BRCA1: variants seen among roughly 807,000 people sequenced by gnomAD.
BRCA1 encodes BRCA1 DNA repair associated.
BRCA1 carries 140 observed loss-of-function variants against 173.7 expected under a neutral mutation model. The observed-to-expected ratio is 0.81, with a 90% CI of 0.70 to 0.93. The LOEUF (loss-of-function observed/expected upper bound fraction) is 0.93. Among genes scored for constraint, BRCA1 ranks in the 40% least tolerant of loss-of-function variants. BRCA1 has a pLI of 0.00. For synonymous variants in BRCA1, 662 were observed against 756.0 expected (o/e 0.88, Z 2.04); for missense variants, 1,983 against 2,172.5 (o/e 0.91, Z 1.73).
chr17:43,091,069 A>C, intron 10 of BRCA1, 37 bp from the exon 11 acceptor site: 1 of 1,574,978 alleles, frequency 6.3e-7, no homozygotes, highest in Non-Finnish European at 8.7e-7. Flanking sequence ...ATGTAAAAGC[A>C]GACTATAAAC....
intron 11 of BRCA1, 106 bp from the exon 12 acceptor site, chr17:43,082,681 C>T: frequency 8.0e-7 from 1 of 1,251,528 alleles, no homozygotes; most frequent in South Asian, 1.3e-5. Context: ...ATTGAAATCA[C>T]CTAGTATGGA....
chr17:43,118,619 TAG>T (rs991270376), intron 2 of BRCA1, among the ~76,000 whole-genome samples: 3 of 152,134 alleles, frequency 2.0e-5, no homozygotes, highest in Non-Finnish European at 4.4e-5. Context: ...TTAATTTTTG[TAG>T]AGACAGGATC....
chr17:43,050,454 A>T (rs1387199625), intron 20 of BRCA1, among the ~76,000 whole-genome samples: 2 of 151,834 alleles, frequency 1.3e-5, no homozygotes, highest in African/African-American at 4.8e-5. Context: ...TAAAAAAAAA[A>T]TACAAAAAAT....
intron 14 of BRCA1, among the ~76,000 whole-genome samples, chr17:43,072,935 T>G (rs1287326786): frequency 6.6e-6 from 1 of 151,722 alleles, no homozygotes; most frequent in Non-Finnish European, 1.5e-5. Flanking sequence ...CAGGCTGGTC[T>G]TGAACTCTTG....
intron 2 of BRCA1, among the ~76,000 whole-genome samples, chr17:43,116,731 C>T (rs1362448220): frequency 2.0e-5 from 3 of 152,192 alleles, no homozygotes; most frequent in Admixed American, 6.5e-5. Context: ...TGTTGGCCGG[C>T]TGGTCTTGAA....
rs80357219 is a variant in BRCA1, at chr17:43,049,182, C to T, written c.5345G>A (p.Trp1782Ter). Residue 1782 changes from tryptophan (W) to a stop codon, truncating the protein, a stop_gained, in exon 21 of 23, where the codon TGG (tryptophan) becomes TAG (stop). Transcript: ENST00000357654. LOFTEE classifies it high-confidence loss of function. ...FTNMPTDQLE[W>*]MVQLCGASVV... ...AGAAGCACCACACAGCTGTACCATCCATTCCAGTTGATCTAAAATGGACAT... is the reference window on the plus strand; with the variant it reads ...AGAAGCACCACACAGCTGTACCATCTATTCCAGTTGATCTAAAATGGACAT... 1.2e-6 allele frequency: 2 copies of T among 1,614,116 alleles called. No homozygotes were observed. Among genetic ancestry groups the T allele is most frequent in the Non-Finnish European group, 1.7e-6 (2 of 1,179,974 alleles).
At position 43,082,634 on chromosome 17, in the gene BRCA1, AT is replaced by A. The variant is rs1299697640; in HGVS notation, c.4186-60del. 6.4e-6 allele frequency: 10 copies of A among 1,553,090 alleles called. No individual in the cohort carries two copies. In the Admixed American group the frequency reaches 1.5e-4, roughly 23 times the overall value. ...AATACTTTGAGAAGCTTTCCATTAAATGAAAATATATCATACAAATTAATTT... is the reference window on the plus strand; with the variant it reads ...AATACTTTGAGAAGCTTTCCATTAAAGAAAATATATCATACAAATTAATTT... On this transcript the variant is annotated intron_variant, in intron 11 of 22. Coordinates refer to ENST00000357654, the MANE Select transcript of BRCA1 (RefSeq NM_007294.4).
upstream of BRCA1, chr17:43,125,896 C>T (rs1189797328): frequency 2.0e-5 from 3 of 153,086 alleles, no homozygotes; most frequent in Non-Finnish European, 4.4e-5. Flanking sequence ...AGAGGAACAT[C>T]CAATACCAGA....
intron 1 of BRCA1, 102 bp downstream of exon 1, chr17:43,125,169 C>A (rs1036527805): frequency 2.0e-5 from 9 of 455,412 alleles, no homozygotes; most frequent in East Asian, 7.0e-5. Context: ...CCCTACCCCC[C>A]GTCAAAGAAT....
At chr17:43,057,212 A>G in intron 18 of BRCA1, 77 bp from the exon 19 acceptor site, 1 of 1,441,262 alleles carries the variant, frequency 6.9e-7, no homozygotes, top group Non-Finnish European at 9.8e-7. Flanking sequence ...CAGACACGTC[A>G]TATTTAAGGC....
chr17:43,131,609 T>C (rs1265049420), intron 1 of BRCA1, among the ~76,000 whole-genome samples: 4 of 151,802 alleles, frequency 2.6e-5, no homozygotes, highest in African/African-American at 9.7e-5. Context: ...TAGTCCTAGC[T>C]ACTTGGGAGG....
intron 2 of BRCA1, among the ~76,000 whole-genome samples, chr17:43,116,229 A>G (rs1382518501): frequency 6.6e-6 from 1 of 152,128 alleles, no homozygotes; most frequent in African/African-American, 2.4e-5. Flanking sequence ...TTAACTTAAT[A>G]TGGAAAATTT....
chr17:43,083,822 T>C lies in BRCA1; in HGVS notation c.4186-1247A>G, dbSNP rs8176182. On this transcript the variant is annotated intron_variant, in intron 11 of 22. Transcript: ENST00000357654. ...GTATTTGATAAACAAAGAATTTAGG[T>C]ATGTAAGGAGTTTTCCAAAATATCC... Among the ~76,000 whole-genome samples the C allele has an allele frequency of 6.6e-4, 101 of 152,280 alleles. No individual in the cohort carries two copies. The Middle Eastern group carries it at 0.014, about 21-fold the overall frequency.
chr17:43,096,454 C>A (rs577992857), intron 8 of BRCA1, among the ~76,000 whole-genome samples: 1 of 150,460 alleles, frequency 6.6e-6, no homozygotes, highest in Non-Finnish European at 1.5e-5. Flanking sequence ...TACCTGTAGT[C>A]CCAGCTACTC....
intron 1 of BRCA1, among the ~76,000 whole-genome samples, chr17:43,155,451 G>A (rs2056190811): frequency 6.6e-6 from 1 of 152,134 alleles, no homozygotes; most frequent in South Asian, 2.1e-4. Flanking sequence ...TGCTGGTCTT[G>A]AATGACTGGC....
chr17:43,073,762 A>ATT (rs1054442756), intron 14 of BRCA1, among the ~76,000 whole-genome samples: 10 of 151,276 alleles, frequency 6.6e-5, no homozygotes, highest in Admixed American at 4.6e-4. Flanking sequence ...ATATATATAT[A>ATT]TATATTTTTT....
At chr17:43,091,138 A>T (rs2154261250) in intron 10 of BRCA1, 106 bp from the exon 11 acceptor site, 1 of 1,123,380 alleles carries the variant, frequency 8.9e-7, no homozygotes, top group East Asian at 2.6e-5. Context: ...CTTTCATGTC[A>T]CACAAAATGA....
At chr17:43,145,278 T>C (rs1168657480) in intron 1 of BRCA1, 8 of 651,132 alleles carry the variant, frequency 1.2e-5, no homozygotes, top group Non-Finnish European at 2.3e-5. Context: ...CCATGTCTTA[T>C]CAGTGGTCCC....
chr17:43,067,255 GTTTTTT>G, intron 16 of BRCA1: 1 of 172,584 alleles, frequency 5.8e-6, no homozygotes, highest in Non-Finnish European at 1.2e-5. Context: ...ATTTTTTCAC[GTTTTTT>G]TTTTTTTTTT....
Sources: allele counts gnomAD v4.1 joint callset (sites outside exome capture counted in the v4.1 genomes callset), GRCh38; gene constraint gnomAD v4.1.1; transcripts MANE v1.5; gene names NCBI Gene and HGNC (gene_info 2026-07-23, HGNC 2026-07-21).